SERPINB6: variants seen among roughly 807,000 people sequenced by gnomAD.
The protein encoded by SERPINB6 is serpin family B member 6.
In SERPINB6, 16 loss-of-function variants were observed where a neutral mutation model predicts 26.1. The ratio of observed to expected loss-of-function variants is 0.61; its 90% CI spans 0.42 to 0.93. The LOEUF is 0.93. SERPINB6 is among the 40% of genes least tolerant of loss of function. The pLI, the probability that SERPINB6 is intolerant of heterozygous loss-of-function variation, is 0.00. For missense variants in SERPINB6, 420 were observed against 478.0 expected, an observed-to-expected ratio of 0.88 and a Z score of 1.13; for synonymous variants, 174 against 176.6, an observed-to-expected ratio of 0.99 and a Z score of 0.11.
rs771798303 is a variant in SERPINB6 at position 2,954,709 on chromosome 6, A to G, written c.313T>C (p.Ser105Pro). ...FGEKSCDFLS[S>P]FRDSCQKFYQ... ...AATTTTTGGCAGGAATCTCTAAAAGACTAGGATAGACAGAGTGACATAACT... is the reference window on the plus strand; with the variant it reads ...AATTTTTGGCAGGAATCTCTAAAAGGCTAGGATAGACAGAGTGACATAACT... The change falls in exon 4 of 7, where the codon TCT becomes CCT. Residue 105 changes from serine to proline, a missense_variant and splice_region_variant. Transcript: ENST00000380539. The G allele has an allele frequency of 1.2e-6, 2 of 1,608,266 alleles. No homozygotes were observed. Among genetic ancestry groups the G allele is most frequent in the South Asian group, 2.2e-5 (2 of 90,986 alleles).
Position 2,952,157 on chromosome 6 carries a change from GAGAGAAATTATTTT to G in SERPINB6, c.573+873_573+886del, listed in dbSNP as rs1183347376. 2.0e-5 allele frequency among the ~76,000 whole-genome samples: 3 copies of G among 152,228 alleles called. No homozygotes were observed. The East Asian group carries it at 5.8e-4, about 29-fold the overall frequency. ...ATCTTGTTAATCATTAAATTTTAAA[GAGAGAAATTATTTT>G]GCCAGGGGAAAATAGCACAGTTCAT... On this transcript the variant is annotated intron_variant, in intron 5 of 6. Coordinates refer to ENST00000380539, the MANE Select transcript of SERPINB6 (RefSeq NM_004568.6).
intron 1 of SERPINB6, chr6:2,970,418 T>A: frequency 9.6e-7 from 1 of 1,045,574 alleles, no homozygotes; most frequent in Non-Finnish European, 1.1e-6. Flanking sequence ...AAACGCCATC[T>A]ATGCTGATAA....
intron 4 of SERPINB6, among the ~76,000 whole-genome samples, chr6:2,953,802 G>A (rs1340188567): frequency 2.0e-5 from 3 of 152,138 alleles, no homozygotes; most frequent in Non-Finnish European, 4.4e-5. Flanking sequence ...AGGCCAAGGC[G>A]GGTGGATCAC....
intron 4 of SERPINB6, among the ~76,000 whole-genome samples, chr6:2,953,566 C>T (rs1207267064): frequency 6.6e-6 from 1 of 152,142 alleles, no homozygotes; most frequent in African/African-American, 2.4e-5. Context: ...CACAGTGGCT[C>T]ACACCTATAA....
At chr6:2,968,701 C>A in intron 1 of SERPINB6, 1 of 1,230,952 alleles carries the variant, frequency 8.1e-7, no homozygotes, top group South Asian at 4.1e-5. Flanking sequence ...CCTAGACTTT[C>A]CAAACATTCC....
chr6:2,970,638 C>A, intron 1 of SERPINB6: 2 of 1,224,492 alleles, frequency 1.6e-6, no homozygotes, highest in Non-Finnish European at 2.0e-6. Context: ...ACTCAGATGC[C>A]CCCTCGCATC....
intron 1 of SERPINB6, chr6:2,970,704 T>G (rs1454840774): frequency 9.3e-7 from 1 of 1,076,950 alleles, no homozygotes; most frequent in African/African-American, 2.0e-5. Context: ...ACCTCAGTTT[T>G]CCGAAGCCAA....
At chr6:2,965,721 T>C (rs1406184312) in intron 1 of SERPINB6, among the ~76,000 whole-genome samples, 1 of 152,198 alleles carries the variant, frequency 6.6e-6, no homozygotes, top group East Asian at 1.9e-4. Context: ...GATTTAATTA[T>C]TTTATCTTTG....
At chr6:2,955,282 A>C in intron 3 of SERPINB6, 1 of 552,658 alleles carries the variant, frequency 1.8e-6, no homozygotes, top group Non-Finnish European at 3.2e-6. Context: ...TGGATCCTTT[A>C]AGGGAGCAGC....
At position 2,959,086 on chromosome 6, in the gene SERPINB6, C is replaced by G. The variant is rs988391808; in HGVS notation, c.165+82G>C. ...TGCAATACTGCACAGTCATCCGTCTCGAGCGATCCCTTTGGGATTTGGAAT... is the reference window on the plus strand; with the variant it reads ...TGCAATACTGCACAGTCATCCGTCTGGAGCGATCCCTTTGGGATTTGGAAT... On this transcript the variant is annotated intron_variant, in intron 2 of 6. Coordinates refer to ENST00000380539, the MANE Select transcript of SERPINB6 (RefSeq NM_004568.6). 7.0e-6 allele frequency: 11 copies of G among 1,568,312 alleles called. No individual in the cohort carries two copies. The South Asian group carries it at 1.2e-4, about 17-fold the overall frequency.
chr6:2,970,502 G>A, intron 1 of SERPINB6: 1 of 1,154,962 alleles, frequency 8.7e-7, no homozygotes, highest in Non-Finnish European at 1.1e-6. Context: ...ACCTTAACTA[G>A]AAGGTCACTG....
chr6:2,968,998 C>G, intron 1 of SERPINB6: 1 of 1,216,210 alleles, frequency 8.2e-7, no homozygotes, highest in Non-Finnish European at 1.0e-6. Flanking sequence ...CTGCCTCCCC[C>G]ACAGTGCCTG....
intron 1 of SERPINB6, chr6:2,966,557 G>T: frequency 4.6e-6 from 1 of 216,364 alleles, no homozygotes; most frequent in Non-Finnish European, 7.9e-6. Context: ...GTGAACCTAC[G>T]GTGAACTGTG....
chr6:2,969,798 T>C (rs963380942), intron 1 of SERPINB6: 22 of 984,502 alleles, frequency 2.2e-5, no homozygotes, highest in Non-Finnish European at 2.5e-5. Context: ...TGTGTGTGTA[T>C]GTGTTTAATA....
At chr6:2,966,972 G>A (rs1006056609) in intron 1 of SERPINB6, 19 of 985,438 alleles carry the variant, frequency 1.9e-5, no homozygotes, top group Non-Finnish European at 2.3e-5. Flanking sequence ...AAAATGTAAG[G>A]CACTTGCTGA....
intron 5 of SERPINB6, among the ~76,000 whole-genome samples, chr6:2,951,482 GAA>G (rs1298379342): frequency 2.0e-5 from 3 of 151,852 alleles, no homozygotes; most frequent in East Asian, 3.9e-4. Context: ...GCTGTAGGCT[GAA>G]GTTTGCTGAC....
At chr6:2,954,960 C>T (rs1000891817) in intron 3 of SERPINB6, 17 of 448,194 alleles carry the variant, frequency 3.8e-5, no homozygotes, top group Admixed American at 1.8e-4. Flanking sequence ...GGGGCCGAGG[C>T]GGGTGGATCG....
intron 2 of SERPINB6, chr6:2,958,189 A>T (rs192023364): frequency 1.6e-4 from 24 of 152,574 alleles, no homozygotes; most frequent in African/African-American, 5.3e-4. Flanking sequence ...GAGGACACAG[A>T]CACACACAGA....
chr6:2,970,724 CAAAAAAAAA>C (rs70995402), intron 1 of SERPINB6: 88 of 1,071,660 alleles, frequency 8.2e-5, no homozygotes, highest in Non-Finnish European at 9.3e-5. Context: ...ATCTTTAGGA[CAAAAAAAAA>C]AAAAAAAAAA....
Sources: allele counts gnomAD v4.1 joint callset (sites outside exome capture counted in the v4.1 genomes callset), GRCh38; gene constraint gnomAD v4.1.1; transcripts MANE v1.5; gene names NCBI Gene and HGNC (gene_info 2026-07-23, HGNC 2026-07-21).